The following PIGA variants were observed in gnomAD, a reference collection of about 807,000 sequenced individuals.
The protein encoded by PIGA is phosphatidylinositol glycan anchor biosynthesis class A.
Under a neutral mutation model 17.1 loss-of-function variants are expected in PIGA, and 3 were observed. That is an observed-to-expected ratio of 0.18 (90% confidence interval 0.08 to 0.45). The LOEUF (loss-of-function observed/expected upper bound fraction) is 0.45. PIGA is among the 20% of genes least tolerant of loss of function. The pLI is 0.99. For missense variants in PIGA, 231 were observed against 374.1 expected (o/e 0.62, Z 3.16); for synonymous variants, 126 against 135.1 (o/e 0.93, Z 0.47).
rs779308669 is a variant in PIGA, at chrX:15,331,424, C to G, written c.507G>C (p.Lys169Asn). The G allele has an allele frequency of 2.5e-6, 3 of 1,211,043 alleles. No individual in the cohort carries two copies. The South Asian group carries it at 5.3e-5, about 21-fold the overall frequency. ...FADVSSVLTN[K>N]LLTVSLCDTN... is the part of the protein sequence containing the mutation. Reference sequence around the variant, plus strand: ...TATCACAAAGAGACACGGTTAGAAGCTTGTTTGTAAGCACCGAGCTGACAT... The same window carrying G: ...TATCACAAAGAGACACGGTTAGAAGGTTGTTTGTAAGCACCGAGCTGACAT... Residue 169 changes from lysine to asparagine, a missense_variant, in exon 2 of 6, where the codon AAG becomes AAC. By Grantham distance (94) the Lys-to-Asn change is moderately conservative. Around this residue, in one of 5 missense-constraint regions of PIGA, gnomAD observed 83 missense variants for 190.1 expected, o/e 0.44. Coordinates refer to ENST00000333590, the MANE Select transcript of PIGA (RefSeq NM_002641.4).
At chrX:15,333,069 A>T (rs1467996961) in intron 1 of PIGA, among the ~76,000 whole-genome samples, 2 of 112,070 alleles carry the variant, frequency 1.8e-5, no homozygotes, top group African/African-American at 6.5e-5. Context: ...CTGTTTTTGT[A>T]AAGTTTTATA....
chrX:15,328,997 TCA>T (rs776052905), intron 2 of PIGA: 2 of 112,587 alleles, frequency 1.8e-5, no homozygotes, highest in South Asian at 3.6e-4. Flanking sequence ...TGAAAGCATG[TCA>T]TTGCCTTCAA....
chrX:15,324,423 A>C (rs1426504385), intron 5 of PIGA, among the ~76,000 whole-genome samples: 1 of 112,133 alleles, frequency 8.9e-6, no homozygotes, highest in Non-Finnish European at 1.9e-5. Context: ...TAACTTCTTT[A>C]TGCCCAGTTT....
rs775827251 is a variant in PIGA, at chrX:15,319,559, A to C, written c.*1947T>G. On this transcript the variant is annotated 3_prime_UTR_variant, in exon 6 of 6. Coordinates refer to ENST00000333590, the MANE Select transcript of PIGA (RefSeq NM_002641.4). ...TGAAACATCAAAAGAAATACAATAT[A>C]TTTTTCACAAATTTCTCATCACTGT... The C allele has an allele frequency of 1.8e-5, 2 of 112,066 alleles. No individual in the cohort carries two copies. Among genetic ancestry groups the C allele is most frequent in the East Asian group, 5.5e-4 (2 of 3,610 alleles). 9.2% of individuals were successfully genotyped at this position (112,066 alleles called of 1,213,427 possible). A position where few individuals can be genotyped will look rare whatever the true frequency, so the allele number is the denominator to read the frequency against.
chrX:15,321,494 C>G lies in PIGA; in HGVS notation c.*12G>C, dbSNP rs756816136. 1 of 1,182,263 alleles carries G rather than the reference C, an allele frequency of 8.5e-7. No individual in the cohort carries two copies. Among genetic ancestry groups the G allele is most frequent in the Non-Finnish European group, 1.1e-6 (1 of 869,706 alleles). On this transcript the variant is annotated 3_prime_UTR_variant, in exon 6 of 6. Coordinates refer to ENST00000333590, the MANE Select transcript of PIGA (RefSeq NM_002641.4). ...TTACAAATGTTTAAAATCTTACAAT[C>G]TAGGCTTCCTTCTACCTGGTTTCAG...
chrX:15,332,050 A>G, intron 1 of PIGA, 58 bp from the exon 2 acceptor site: 1 of 754,340 alleles, frequency 1.3e-6, no homozygotes, highest in East Asian at 3.4e-5. Flanking sequence ...CATATTACAA[A>G]TCCAGATATA....
In PIGA at chrX:15,320,927, C is replaced by G. The variant is rs1486351898; in HGVS notation, c.*579G>C. On this transcript the variant is annotated 3_prime_UTR_variant, in exon 6 of 6. Coordinates refer to ENST00000333590, the MANE Select transcript of PIGA (RefSeq NM_002641.4). ...GGCGGGAAGCATCTAGTTCAACATT[C>G]TACACAGAGCAGGGGTTCAAAATGT... The G allele has an allele frequency of 2.7e-5, 3 of 111,827 alleles. No homozygotes were observed. The highest frequency in any genetic ancestry group is 9.8e-5 in the African/African-American group (3 of 30,661). The allele number at this position is 111,827 out of a possible 1,213,427, so 9.2% of individuals were successfully genotyped here.
At chrX:15,324,982 C>T (rs1355008383) in intron 4 of PIGA, 38 bp downstream of exon 4, 6 of 1,177,293 alleles carry the variant, frequency 5.1e-6, no homozygotes, top group Admixed American at 5.0e-5. Context: ...TCAAAATACA[C>T]AGAAATCCCA....
intron 1 of PIGA, among the ~76,000 whole-genome samples, chrX:15,335,193 T>C (rs1922297873): frequency 8.9e-6 from 1 of 112,345 alleles, no homozygotes; most frequent in Non-Finnish European, 1.9e-5. Flanking sequence ...CCCCGCTGGG[T>C]TCATGGCGGG....
At chrX:15,324,487 T>C (rs1251227711) in intron 5 of PIGA, among the ~76,000 whole-genome samples, 178 bp downstream of exon 5, 1 of 112,466 alleles carries the variant, frequency 8.9e-6, no homozygotes, top group Non-Finnish European at 1.9e-5. Flanking sequence ...ACGCAATAAT[T>C]TGACCAGACA....
chrX:15,324,143 AATTCTAACTTACTAT>A (rs1569178184), intron 5 of PIGA, among the ~76,000 whole-genome samples: 1 of 112,341 alleles, frequency 8.9e-6, no homozygotes, highest in Non-Finnish European at 1.9e-5. Flanking sequence ...GTACATTTTG[AATTCTAACTTACTAT>A]GTTCTCAATC....
chrX:15,324,625 TA>T (rs762528292), intron 5 of PIGA, 39 bp downstream of exon 5: 1 of 1,003,137 alleles, frequency 1.0e-6, no homozygotes, highest in East Asian at 3.1e-5. Context: ...AAACATCAAG[TA>T]AGAGTTCAGA....
intron 5 of PIGA, among the ~76,000 whole-genome samples, chrX:15,322,548 A>G (rs5935953): frequency 0.35 from 38,367 of 110,809 alleles, 4,932 homozygotes; most frequent in South Asian, 0.56. Context: ...TTCAGAACAC[A>G]TCAAATGGGC....
chrX:15,335,504 T>C lies in PIGA; in HGVS notation c.-66A>G. ...GGGCGGCGCGACGCGCACTCACCGGTGAGTTCCATGGCCGCCAGTGTCCGG... is the reference window on the plus strand; with the variant it reads ...GGGCGGCGCGACGCGCACTCACCGGCGAGTTCCATGGCCGCCAGTGTCCGG... On this transcript the variant is annotated 5_prime_UTR_variant, in exon 1 of 6. Transcript: ENST00000333590. The C allele has an allele frequency of 1.0e-6, 1 of 979,903 alleles. No homozygotes were observed. The highest frequency in any genetic ancestry group is 1.3e-6 in the Non-Finnish European group (1 of 778,111). The allele number at this position is 979,903 out of a possible 1,213,427, so 80.8% of individuals were successfully genotyped here.
At position 15,330,177 on chromosome X, in the gene PIGA, G is replaced by A. The variant is rs187274512; in HGVS notation, c.715+1039C>T. On this transcript the variant is annotated intron_variant, in intron 2 of 5. Coordinates refer to ENST00000333590, the MANE Select transcript of PIGA (RefSeq NM_002641.4). ...ATAGGAACTATCACTGAACCCTTGC[G>A]AGGTTCCCAATGTTGCTTACATTAC... 4.8e-4 allele frequency among the ~76,000 whole-genome samples: 54 copies of A among 111,696 alleles called. No homozygotes were observed. In the Middle Eastern group the frequency reaches 0.014, roughly 29 times the overall value.
At chrX:15,332,261 T>C (rs1426092658) in intron 1 of PIGA, among the ~76,000 whole-genome samples, 2 of 112,489 alleles carry the variant, frequency 1.8e-5, no homozygotes, top group African/African-American at 3.2e-5. Flanking sequence ...CAGCATATCA[T>C]GGTTTACCAC....
At chrX:15,326,815 A>G (rs998686217) in intron 2 of PIGA, 1 of 112,295 alleles carries the variant, frequency 8.9e-6, no homozygotes, top group Non-Finnish European at 1.9e-5. Flanking sequence ...TATAATATAT[A>G]AACACAATCT....
chrX:15,335,236 C>T (rs908865515), intron 1 of PIGA: 3 of 292,514 alleles, frequency 1.0e-5, no homozygotes, highest in African/African-American at 2.7e-5. Flanking sequence ...AAGAAAACAA[C>T]CAAAGAGTGG....
chrX:15,325,672 G>T (rs1249507026), intron 3 of PIGA: 4 of 232,831 alleles, frequency 1.7e-5, no homozygotes, highest in Non-Finnish European at 3.0e-5. Flanking sequence ...GCCTTTCATG[G>T]TGCCTCCAAC....
Sources: gnomAD v4.1 joint callset for allele counts (sites outside exome capture counted in the v4.1 genomes callset) on GRCh38, gnomAD v4.1.1 for gene constraint, gnomAD v4.1.1 regional missense constraint, MANE v1.5 for transcripts, NCBI Gene and HGNC (gene_info 2026-07-23, HGNC 2026-07-21) for gene names.